Variants in LATS2 observed in about 807,000 individuals in gnomAD.
The protein encoded by LATS2 is large tumor suppressor kinase 2, also known as serine/threonine-protein kinase LATS2.
In LATS2, 24 loss-of-function variants were observed where a neutral mutation model predicts 76.0. The ratio of observed to expected loss-of-function variants is 0.32; its 90% CI spans 0.23 to 0.44. LATS2 has a LOEUF of 0.44. Ranked by LOEUF, LATS2 falls within the 20% of genes least tolerant of loss-of-function variation. LATS2 has a pLI of 1.00. For missense variants in LATS2, 1,286 were observed against 1,481.2 expected, an observed-to-expected ratio of 0.87 and a Z score of 2.16; for synonymous variants, 692 against 635.4, an observed-to-expected ratio of 1.09 and a Z score of -1.34.
intron 2 of LATS2, among the ~76,000 whole-genome samples, chr13:21,024,093 CAAAAAAAAA>C (rs748881098): frequency 2.5e-5 from 2 of 79,246 alleles, no homozygotes; most frequent in African/African-American, 4.4e-5. Flanking sequence ...TCTCGCTGTG[CAAAAAAAAA>C]AAAAAAAAAA....
intron 2 of LATS2, among the ~76,000 whole-genome samples, chr13:21,030,229 G>A (rs557188038): frequency 6.6e-6 from 1 of 152,084 alleles, no homozygotes; most frequent in African/African-American, 2.4e-5. Context: ...ATGAAATTTG[G>A]GTGGGGACAA....
rs752078406 is a variant in LATS2 at position 21,045,673 on chromosome 13, G to C, written c.342+12C>G. The stretch of plus-strand genomic sequence containing the variant: ...TGCCTCTGCACATGGCCCTGCAGAG[G>C]TCTGTACCCACCTGGTCGCATCCTG... On this transcript the variant is annotated intron_variant, in intron 2 of 7. Transcript: ENST00000382592. The C allele has an allele frequency of 2.5e-5, 40 of 1,606,882 alleles. No homozygotes were observed. The highest frequency in any genetic ancestry group is 3.4e-5 in the Non-Finnish European group (40 of 1,175,916).
chr13:21,028,184 G>GT (rs1377412016), intron 2 of LATS2, among the ~76,000 whole-genome samples: 3 of 152,030 alleles, frequency 2.0e-5, no homozygotes, highest in Non-Finnish European at 2.9e-5. Flanking sequence ...GCGGTGTTTG[G>GT]TTTTTTGTCC....
intron 2 of LATS2, among the ~76,000 whole-genome samples, chr13:21,038,094 A>T (rs1872741999): frequency 6.6e-6 from 1 of 152,138 alleles, no homozygotes; most frequent in African/African-American, 2.4e-5. Flanking sequence ...TGACAAAGCA[A>T]GACCCTGTCT....
chr13:20,976,027 G>C (rs930186135), intron 7 of LATS2, among the ~76,000 whole-genome samples: 4 of 152,166 alleles, frequency 2.6e-5, no homozygotes, highest in Admixed American at 6.5e-5. Flanking sequence ...CTGGGGTTTT[G>C]AAAAACAAAC....
intron 2 of LATS2, among the ~76,000 whole-genome samples, chr13:20,999,344 C>A (rs976496438): frequency 6.6e-6 from 1 of 152,214 alleles, no homozygotes; most frequent in African/African-American, 2.4e-5. Flanking sequence ...ACAAACCATA[C>A]GTCTTTTTGA....
In LATS2 at chr13:21,027,710, T is replaced by C. The variant is rs938237151; in HGVS notation, c.342+17975A>G. ...TAGTTTAAGGACTCTACCTGTGTTC[T>C]TTTTTAAAACATTGCTTTTGCTATT... On this transcript the variant is annotated intron_variant, in intron 2 of 7. Coordinates refer to ENST00000382592, the MANE Select transcript of LATS2 (RefSeq NM_014572.3). Among the ~76,000 whole-genome samples, 11 of 152,188 alleles carry C rather than the reference T, an allele frequency of 7.2e-5. 1 individual carries two copies. Among genetic ancestry groups the C allele is most frequent in the Non-Finnish European group, 2.9e-5 (2 of 68,028 alleles).
chr13:21,059,272 A>C (rs2138422791), intron 1 of LATS2, among the ~76,000 whole-genome samples: 1 of 152,358 alleles, frequency 6.6e-6, no homozygotes, highest in Admixed American at 6.5e-5. Context: ...TTAGTAGTTA[A>C]GGTGAAATAA....
At chr13:21,001,244 T>G (rs73443321) in intron 2 of LATS2, among the ~76,000 whole-genome samples, 313 of 152,352 alleles carry the variant, frequency 2.1e-3, no homozygotes, top group African/African-American at 7.4e-3. Context: ...CCACAGAAAC[T>G]TAATATACTC....
chr13:20,993,436 T>A (rs1186040224), intron 2 of LATS2, among the ~76,000 whole-genome samples: 2 of 152,130 alleles, frequency 1.3e-5, no homozygotes, highest in Non-Finnish European at 2.9e-5. Flanking sequence ...AAACACAGGC[T>A]GTAAACTGTG....
intron 5 of LATS2, among the ~76,000 whole-genome samples, chr13:20,982,445 G>C (rs1869934918): frequency 6.6e-6 from 1 of 152,152 alleles, no homozygotes; most frequent in African/African-American, 2.4e-5. Flanking sequence ...CCAGTAGCTG[G>C]GATTACTGGC....
At chr13:21,056,557 G>A (rs762259528) in intron 1 of LATS2, among the ~76,000 whole-genome samples, 3 of 152,118 alleles carry the variant, frequency 2.0e-5, no homozygotes, top group Non-Finnish European at 2.9e-5. Flanking sequence ...AATAGCAAGC[G>A]ACCCAACAGG....
At chr13:21,045,606 G>C in intron 2 of LATS2, 79 bp downstream of exon 2, 1 of 1,091,682 alleles carries the variant, frequency 9.2e-7, no homozygotes, top group Non-Finnish European at 1.3e-6. Context: ...AAGCCTTCAA[G>C]TAGTTGCCAA....
intron 2 of LATS2, among the ~76,000 whole-genome samples, chr13:21,026,747 G>A: frequency 6.6e-6 from 1 of 152,158 alleles, no homozygotes; most frequent in Non-Finnish European, 1.5e-5. Context: ...TTTGAGCCCA[G>A]GAGATGGAGA....
At chr13:20,992,325 G>A (rs9579997) in intron 2 of LATS2, among the ~76,000 whole-genome samples, 17,372 of 152,198 alleles carry the variant, frequency 0.11, 1,163 homozygotes, top group South Asian at 0.16. Context: ...GCAGGCATTC[G>A]AGGAAGCTTT....
intron 2 of LATS2, among the ~76,000 whole-genome samples, chr13:21,013,238 G>C (rs1158357664): frequency 6.6e-6 from 1 of 152,178 alleles, no homozygotes; most frequent in African/African-American, 2.4e-5. Context: ...CTGCCTCCCA[G>C]GTTACCAACA....
At chr13:21,007,760 A>ATTTT (rs1202476922) in intron 2 of LATS2, among the ~76,000 whole-genome samples, 7 of 4,568 alleles carry the variant, frequency 1.5e-3, no homozygotes, top group African/African-American at 7.5e-3. Context: ...ATATATATAT[A>ATTTT]TTTTTTTTTT....
chr13:21,030,406 G>A (rs1483080846), intron 2 of LATS2, among the ~76,000 whole-genome samples: 4 of 151,770 alleles, frequency 2.6e-5, no homozygotes. Context: ...TGGCCAACAC[G>A]GTGAAACCCC....
Position 20,988,456 on chromosome 13 carries a change from G to A in LATS2, c.1324C>T (p.His442Tyr), listed in dbSNP as rs1233324555. 7.2e-6 allele frequency: 11 copies of A among 1,528,020 alleles called. No homozygotes were observed. The highest frequency in any genetic ancestry group is 2.4e-5 in the South Asian group (2 of 83,512). The allele number at this position is 1,528,020 out of a possible 1,614,324, so 94.7% of individuals were successfully genotyped here. A position where few individuals can be genotyped will look rare whatever the true frequency, so the allele number is the denominator to read the frequency against. The part of the protein sequence containing the change: ...VTAVTAAHIL[H>Y]PVKSVRVLRP... Reference sequence around the variant, plus strand: ...AGCACACGCACGCTCTTCACCGGGTGCAAGATGTGCGCGGCCGTGACAGCC... The same window carrying A: ...AGCACACGCACGCTCTTCACCGGGTACAAGATGTGCGCGGCCGTGACAGCC... The change falls in exon 4 of 8, where the codon CAC becomes TAC. Residue 442 changes from histidine (H) to tyrosine (Y), a missense_variant. His to Tyr is a moderately conservative substitution (Grantham distance 83). Around this residue, in one of 5 missense-constraint regions of LATS2, gnomAD observed 710 missense variants for 660.9 expected, o/e 1.07. Transcript: ENST00000382592.
Sources: gnomAD v4.1 joint callset for allele counts (sites outside exome capture counted in the v4.1 genomes callset) on GRCh38, gnomAD v4.1.1 for gene constraint, gnomAD v4.1.1 regional missense constraint, MANE v1.5 for transcripts, NCBI Gene and HGNC (gene_info 2026-07-23, HGNC 2026-07-21) for gene names.